Variants in ATP11C observed in about 807,000 individuals in gnomAD.
ATP11C encodes the protein phospholipid-transporting ATPase IG.
Under a neutral mutation model 97.4 loss-of-function variants are expected in ATP11C, and 36 were observed. The observed-to-expected ratio is 0.37, with a 90% CI of 0.28 to 0.49. The LOEUF is 0.49. Ranked by LOEUF, ATP11C falls within the 20% of genes least tolerant of loss-of-function variation. The probability of loss-of-function intolerance (pLI) is 0.98; values close to 1 mark genes in which losing one functional copy is unlikely to be tolerated. For missense variants in ATP11C, 730 were observed against 824.6 expected, an observed-to-expected ratio of 0.89 and a Z score of 1.40; for synonymous variants, 275 against 290.9, an observed-to-expected ratio of 0.95 and a Z score of 0.56.
chrX:139,933,637 C>G (rs997138355), upstream of ATP11C, among the ~76,000 whole-genome samples: 2 of 112,253 alleles, frequency 1.8e-5, no homozygotes, highest in Admixed American at 9.4e-5. Flanking sequence ...AGTTCAGAGA[C>G]TCTTACACGA....
rs745691521 is a variant in ATP11C, at chrX:139,748,314, T to C, written c.2828+1711A>G. Among the ~76,000 whole-genome samples the C allele has an allele frequency of 2.7e-5, 3 of 109,712 alleles. 1 individual carries two copies. The highest frequency in any genetic ancestry group is 8.1e-4 in the South Asian group (2 of 2,460). Reference sequence around the variant, plus strand: ...AACCTGGGTAAGGTCACCTGGTAAGTAGCAGAGGCTTTCAGCCCAGGTGTT... The same window carrying C: ...AACCTGGGTAAGGTCACCTGGTAAGCAGCAGAGGCTTTCAGCCCAGGTGTT... On this transcript the variant is annotated intron_variant, in intron 24 of 29. Coordinates refer to ENST00000682941, the MANE Select transcript of ATP11C (RefSeq NM_001353812.2).
chrX:139,787,393 T>C (rs755596713), intron 14 of ATP11C, 149 bp from the exon 15 acceptor site: 1 of 378,862 alleles, frequency 2.6e-6, no homozygotes, highest in Non-Finnish European at 4.4e-6. Context: ...CACCTCCCAG[T>C]TTCAAGCGAT....
rs150058553 is a variant in ATP11C, at chrX:139,804,712, A to C, written c.427-113T>G. ...TTATCTCTAGCTCTGGGGCTTTGAG[A>C]GTATCTCAGCATCCTACATCATGTG... On this transcript the variant is annotated intron_variant, in intron 5 of 29. Transcript: ENST00000682941. The C allele has an allele frequency of 5.6e-6, 3 of 537,145 alleles. No individual in the cohort carries two copies. In the African/African-American group the frequency reaches 7.1e-5, roughly 13 times the overall value. 44.3% of individuals were successfully genotyped at this position (537,145 alleles called of 1,213,427 possible). A position where few individuals can be genotyped will look rare whatever the true frequency, so the allele number is the denominator to read the frequency against.
intron 1 of ATP11C, among the ~76,000 whole-genome samples, chrX:139,908,172 C>A (rs1336102768): frequency 9.0e-6 from 1 of 111,369 alleles, no homozygotes; most frequent in Non-Finnish European, 1.9e-5. Context: ...TGCCCTTCAG[C>A]CCCACTAGCC....
chrX:139,933,057 G>C (rs2085469355), upstream of ATP11C: 1 of 111,734 alleles, frequency 8.9e-6, no homozygotes, highest in Admixed American at 9.4e-5. Context: ...TTGTGTCGTT[G>C]CTGCTGCGCA....
intron 1 of ATP11C, among the ~76,000 whole-genome samples, chrX:139,874,915 A>G (rs745882252): frequency 9.0e-6 from 1 of 111,298 alleles, no homozygotes; most frequent in African/African-American, 3.3e-5. Context: ...CTTGACATCA[A>G]TTTCCAAGAC....
intron 2 of ATP11C, among the ~76,000 whole-genome samples, chrX:139,821,023 A>T (rs1860066931): frequency 9.0e-6 from 1 of 111,262 alleles, no homozygotes; most frequent in Non-Finnish European, 1.9e-5. Flanking sequence ...CTTTAATAAG[A>T]GGTGACTGAA....
intron 1 of ATP11C, among the ~76,000 whole-genome samples, chrX:139,907,928 A>G (rs1257560145): frequency 9.0e-6 from 1 of 110,611 alleles, no homozygotes; most frequent in African/African-American, 3.3e-5. Context: ...AAGGTCAGAG[A>G]TTCCTGTCTG....
chrX:139,896,729 C>G (rs1455679381), intron 1 of ATP11C, among the ~76,000 whole-genome samples: 8 of 108,313 alleles, frequency 7.4e-5, no homozygotes, highest in Non-Finnish European at 1.5e-4. Flanking sequence ...ATTTTCAAGT[C>G]TCAGCCTCCT....
intron 1 of ATP11C, among the ~76,000 whole-genome samples, chrX:139,897,082 C>T (rs2084821503): frequency 9.2e-6 from 1 of 109,049 alleles, no homozygotes; most frequent in Non-Finnish European, 1.9e-5. Context: ...CAAAAATTAG[C>T]TGGGCATGGT....
In ATP11C at chrX:139,738,000, C is replaced by T. The variant is rs747268235; in HGVS notation, c.3204G>A (p.Leu1068=). The T allele has an allele frequency of 4.2e-6, 5 of 1,204,780 alleles. 1 individual carries two copies. In the South Asian group the frequency reaches 8.9e-5, roughly 21 times the overall value. The stretch of plus-strand genomic sequence containing the variant: ...TGATAAATATTAGAAGAATTATAGC[C>T]AACCATGTGGATACAGAAGACAGCA... The part of the protein sequence containing the change: ...AQMLSSVSTW[L]AIILLIFISL... The change falls in exon 28 of 30, where the codon TTG becomes TTA. Residue 1068 remains leucine, a synonymous_variant. Coordinates refer to ENST00000682941, the MANE Select transcript of ATP11C (RefSeq NM_001353812.2).
Position 139,782,686 on chromosome X carries a change from G to T in ATP11C, c.1813C>A (p.Pro605Thr). The part of the protein sequence containing the change: ...TLCVAFKEIA[P>T]DDYERINRQL... ...CTGTTAATTCTTTCATAATCATCTG[G>T]AGCAATTTCTTTGAAGGCTACACAG... is the stretch of plus-strand genomic sequence containing the variant. The change falls in exon 18 of 30, where the codon CCA becomes ACA. Residue 605 changes from proline (P) to threonine (T), a missense_variant. By Grantham distance (38) the Pro-to-Thr change is conservative (BLOSUM62 -1). Coordinates refer to ENST00000682941, the MANE Select transcript of ATP11C (RefSeq NM_001353812.2). 8.3e-7 allele frequency: 1 copy of T among 1,205,413 alleles called. No homozygotes were observed. The highest frequency in any genetic ancestry group is 1.7e-5 in the African/African-American group (1 of 57,190).
At position 139,819,501 on chromosome X, in the gene ATP11C, G is replaced by A. The variant is rs1319241405; in HGVS notation, c.148-74C>T. 3 of 397,024 alleles carry A rather than the reference G, an allele frequency of 7.6e-6. No individual in the cohort carries two copies. In the Admixed American group the frequency reaches 1.4e-4, roughly 18 times the overall value. The allele number at this position is 397,024 out of a possible 1,213,427, so 32.7% of individuals were successfully genotyped here. On this transcript the variant is annotated intron_variant, in intron 2 of 29. Coordinates refer to ENST00000682941, the MANE Select transcript of ATP11C (RefSeq NM_001353812.2). ...AATCTTAATAGTAATGACTGATTAT[G>A]GGTCCACATTATCATATAAAGTGAT... is the stretch of plus-strand genomic sequence containing the variant.
chrX:139,819,201 T>C (rs1389847074), intron 3 of ATP11C, 137 bp downstream of exon 3: 7 of 296,931 alleles, frequency 2.4e-5, no homozygotes, highest in Non-Finnish European at 2.5e-5. Context: ...ATGTTATGTT[T>C]CTACTTTAAG....
chrX:139,752,506 G>A (rs755928542), intron 23 of ATP11C, among the ~76,000 whole-genome samples: 5 of 111,496 alleles, frequency 4.5e-5, no homozygotes, highest in African/African-American at 1.3e-4. Flanking sequence ...GACAATCCAC[G>A]GTTTAAATCT....
chrX:139,897,545 C>A (rs185308067), intron 1 of ATP11C, among the ~76,000 whole-genome samples: 197 of 109,094 alleles, frequency 1.8e-3, no homozygotes, highest in African/African-American at 6.1e-3. Flanking sequence ...GTGGCACACA[C>A]CTATAATCCC....
At position 139,789,489 on chromosome X, in the gene ATP11C, C is replaced by A; in HGVS notation, c.1207-1G>T. The A allele has an allele frequency of 1.7e-6, 2 of 1,175,997 alleles. No homozygotes were observed. The highest frequency in any genetic ancestry group is 4.0e-5 in the South Asian group (2 of 49,745). On this transcript the variant is annotated splice_acceptor_variant, in intron 12 of 29. Coordinates refer to ENST00000682941, the MANE Select transcript of ATP11C (RefSeq NM_001353812.2). LOFTEE classifies it high-confidence loss of function. Reference sequence around the variant, plus strand: ...TCTTATCTGTAAATACATAATCCACCTAAAACAAGGACACAAACATATATT... The same window carrying A: ...TCTTATCTGTAAATACATAATCCACATAAAACAAGGACACAAACATATATT...
chrX:139,913,115 A>C (rs183744054), intron 1 of ATP11C, among the ~76,000 whole-genome samples: 12 of 111,664 alleles, frequency 1.1e-4, no homozygotes, highest in African/African-American at 3.9e-4. Context: ...CAGCCTGTCC[A>C]AGGACTGCCA....
At chrX:139,804,976 G>A (rs1459878854) in intron 5 of ATP11C, among the ~76,000 whole-genome samples, 1 of 111,875 alleles carries the variant, frequency 8.9e-6, no homozygotes, top group Admixed American at 9.5e-5. Flanking sequence ...ACACTGAACA[G>A]CCACACTCCC....
Sources: gnomAD v4.1 joint callset for allele counts (sites outside exome capture counted in the v4.1 genomes callset) on GRCh38, gnomAD v4.1.1 for gene constraint, MANE v1.5 for transcripts, NCBI Gene and HGNC (gene_info 2026-07-23, HGNC 2026-07-21) for gene names.